VPS13C: variants seen among roughly 807,000 people sequenced by gnomAD.
VPS13C encodes the protein vacuolar protein sorting 13 homolog C, also known as intermembrane lipid transfer protein VPS13C.
In VPS13C, 358 loss-of-function variants were observed where a neutral mutation model predicts 456.8. The ratio of observed to expected loss-of-function variants is 0.78; its 90% confidence interval spans 0.72 to 0.86. VPS13C has a LOEUF of 0.86. Among genes scored for constraint, VPS13C ranks in the 40% least tolerant of loss-of-function variants. VPS13C has a pLI of 0.00. For missense variants in VPS13C, 4,818 were observed against 4,385.4 expected, an observed-to-expected ratio of 1.10 and a Z score of -2.79; for synonymous variants, 1,578 against 1,486.7, an observed-to-expected ratio of 1.06 and a Z score of -1.41.
At chr15:61,865,491 C>T in intron 81 of VPS13C, 1 of 982,122 alleles carries the variant, frequency 1.0e-6, no homozygotes, top group Non-Finnish European at 1.2e-6. Context: ...AGTATGTGAA[C>T]CAAAATGAGT....
chr15:61,861,723 T>C (rs1261741257), intron 82 of VPS13C, among the ~76,000 whole-genome samples: 1 of 152,036 alleles, frequency 6.6e-6, no homozygotes. Context: ...TTGGAAGAAA[T>C]GCTACTATTT....
In VPS13C at chr15:61,929,615, T is replaced by C; in HGVS notation, c.6172A>G (p.Met2058Val). 2 of 1,614,144 alleles carry C rather than the reference T, an allele frequency of 1.2e-6. No individual in the cohort carries two copies. Among genetic ancestry groups the C allele is most frequent in the Non-Finnish European group, 1.7e-6 (2 of 1,180,004 alleles). ...LYVCASVEFL[M>V]TVADFFIKAV... ...TTGATAAAGAAATCTGCCACAGTCA[T>C]CAGAAATTCCACACTGGCACATACA... Residue 2058 changes from methionine (M) to valine (V), a missense_variant, in exon 51 of 85, where the codon ATG becomes GTG. Physicochemically the swap from Met to Val is conservative, Grantham distance 21. Coordinates refer to ENST00000644861, the MANE Select transcript of VPS13C (RefSeq NM_020821.3).
intron 82 of VPS13C, 25 bp downstream of exon 82, chr15:61,863,415 G>T: frequency 6.3e-7 from 1 of 1,577,102 alleles, no homozygotes; most frequent in Non-Finnish European, 8.7e-7. Flanking sequence ...GTACTATTTG[G>T]AAAAATGTCA....
At chr15:61,865,161 C>A in intron 81 of VPS13C, 1 of 984,816 alleles carries the variant, frequency 1.0e-6, no homozygotes, top group Middle Eastern at 5.2e-4. Flanking sequence ...TCCAAAAATG[C>A]AACTCGAGGA....
At position 61,925,955 on chromosome 15, in the gene VPS13C, C is replaced by G. The variant is rs7167968; in HGVS notation, c.6517-407G>C. On this transcript the variant is annotated intron_variant, in intron 52 of 84. Coordinates refer to ENST00000644861, the MANE Select transcript of VPS13C (RefSeq NM_020821.3). The stretch of plus-strand genomic sequence containing the variant: ...GTTTCCCGATGCTTGACAGGTCAGT[C>G]TGAAATATCATGTAAGGCCTTTATT... Among the ~76,000 whole-genome samples, 86 of 152,250 alleles carry G rather than the reference C, an allele frequency of 5.6e-4. 1 individual carries two copies. The highest frequency in any genetic ancestry group is 1.9e-3 in the African/African-American group (81 of 41,548).
At chr15:61,955,426 A>G (rs781263810) in intron 37 of VPS13C, among the ~76,000 whole-genome samples, 31 of 152,130 alleles carry the variant, frequency 2.0e-4, no homozygotes, top group Non-Finnish European at 3.4e-4. Flanking sequence ...GTTAGTTATT[A>G]CCATTATTGC....
intron 45 of VPS13C, 89 bp from the exon 46 acceptor site, chr15:61,942,156 A>G: frequency 2.6e-6 from 3 of 1,170,880 alleles, no homozygotes; most frequent in Middle Eastern, 2.3e-4. Context: ...AAAACTAAAT[A>G]AAAAAGTAAT....
intron 74 of VPS13C, 164 bp from the exon 75 acceptor site, chr15:61,877,218 AATT>A (rs1895489334): frequency 4.2e-6 from 2 of 473,260 alleles, no homozygotes; most frequent in Admixed American, 4.1e-5. Flanking sequence ...ATGGTTACTA[AATT>A]ATTATAAAAA....
At position 61,880,907 on chromosome 15, in the gene VPS13C, C is replaced by T. The variant is rs566274532; in HGVS notation, c.9824G>A (p.Gly3275Glu). ...IQEMALKIDQ[G>E]FLGAIIALFT... Reference sequence around the variant, plus strand: ...CAGTGCAATAATAGCTCCTAGAAACCCTTGATCAATTTTTAAGGCCATTTC... The same window carrying T: ...CAGTGCAATAATAGCTCCTAGAAACTCTTGATCAATTTTTAAGGCCATTTC... The change falls in exon 72 of 85, where the codon GGG becomes GAG. Residue 3275 changes from glycine (G) to glutamate (E), a missense_variant. Coordinates refer to ENST00000644861, the MANE Select transcript of VPS13C (RefSeq NM_020821.3). 7.5e-6 allele frequency: 12 copies of T among 1,609,930 alleles called. No individual in the cohort carries two copies. In the South Asian group the frequency reaches 1.2e-4, roughly 16 times the overall value.
intron 12 of VPS13C, among the ~76,000 whole-genome samples, chr15:62,010,873 G>C (rs2047015000): frequency 6.6e-6 from 1 of 151,978 alleles, no homozygotes; most frequent in South Asian, 2.1e-4. Flanking sequence ...ATCTACTCTT[G>C]GTTATTCACA....
At chr15:61,971,094 A>C (rs1263167455) in intron 27 of VPS13C, among the ~76,000 whole-genome samples, 1 of 151,582 alleles carries the variant, frequency 6.6e-6, no homozygotes, top group Admixed American at 6.6e-5. Flanking sequence ...TGGCTGAAGC[A>C]GAGTGAGCAA....
chr15:62,042,987 T>C (rs886430964), intron 2 of VPS13C, among the ~76,000 whole-genome samples: 2 of 151,240 alleles, frequency 1.3e-5, no homozygotes, highest in African/African-American at 2.4e-5. Flanking sequence ...TGAATTAGGC[T>C]GAAACAGAGT....
At chr15:61,969,697 G>A (rs1012616028) in intron 27 of VPS13C, among the ~76,000 whole-genome samples, 1 of 152,006 alleles carries the variant, frequency 6.6e-6, no homozygotes, top group Non-Finnish European at 1.5e-5. Flanking sequence ...TTCTAATTTA[G>A]TAAAATAGGA....
At chr15:61,923,493 T>C (rs2043730465) in intron 53 of VPS13C, among the ~76,000 whole-genome samples, 1 of 152,148 alleles carries the variant, frequency 6.6e-6, no homozygotes, top group East Asian at 1.9e-4. Context: ...ATGTTTAAAA[T>C]CTTCATCAAC....
intron 82 of VPS13C, 82 bp from the exon 83 acceptor site, chr15:61,856,491 C>A: frequency 6.6e-7 from 1 of 1,520,230 alleles, no homozygotes; most frequent in South Asian, 1.2e-5. Flanking sequence ...TACTGGATGG[C>A]AGAGGTAGCA....
chr15:61,978,479 G>T lies in VPS13C; in HGVS notation c.2290+147C>A, dbSNP rs2045777679. ...AATGTTGTAGTAATTTACACTGATA[G>T]TGTCCTACATGGTTTATTTAAGCAG... On this transcript the variant is annotated intron_variant, in intron 23 of 84. Coordinates refer to ENST00000644861, the MANE Select transcript of VPS13C (RefSeq NM_020821.3). 4.5e-6 allele frequency: 4 copies of T among 893,440 alleles called. No individual in the cohort carries two copies. In the South Asian group the frequency reaches 1.1e-4, roughly 24 times the overall value. 55.3% of individuals were successfully genotyped at this position (893,440 alleles called of 1,614,324 possible).
At chr15:62,021,695 A>G (rs1307800871) in intron 8 of VPS13C, among the ~76,000 whole-genome samples, 4 of 151,946 alleles carry the variant, frequency 2.6e-5, no homozygotes, top group Admixed American at 2.6e-4. Flanking sequence ...ACAGTTGAGA[A>G]GTACGAATAG....
Position 61,946,352 on chromosome 15 carries a change from T to C in VPS13C, c.4935A>G (p.Lys1645=). The change falls in exon 44 of 85, where the codon AAA becomes AAG. Residue 1645 remains lysine (K), a synonymous_variant. Coordinates refer to ENST00000644861, the MANE Select transcript of VPS13C (RefSeq NM_020821.3). ...PKQTDVFARL[K]DIIVMNVDLQ... The stretch of plus-strand genomic sequence containing the variant: ...AATCTACATTCATAACTATAATATC[T>C]TTAAGTCTGGCAAACACATCAGTCT... The C allele has an allele frequency of 6.2e-7, 1 of 1,609,518 alleles. No individual in the cohort carries two copies. The highest frequency in any genetic ancestry group is 1.7e-5 in the Admixed American group (1 of 59,346).
chr15:61,941,286 C>A (rs1343422217), intron 46 of VPS13C, among the ~76,000 whole-genome samples: 1 of 152,094 alleles, frequency 6.6e-6, no homozygotes, highest in South Asian at 2.1e-4. Flanking sequence ...TTTGCCTAAC[C>A]AAATAAACGC....
Sources: gnomAD v4.1 joint callset for allele counts (sites outside exome capture counted in the v4.1 genomes callset) on GRCh38, gnomAD v4.1.1 for gene constraint, MANE v1.5 for transcripts, NCBI Gene and HGNC (gene_info 2026-07-23, HGNC 2026-07-21) for gene names.